The following TTC27 variants were observed in gnomAD, a reference collection of about 807,000 sequenced individuals.
The protein encoded by TTC27 is tetratricopeptide repeat domain 27.
TTC27 carries 79 observed loss-of-function variants against 115.9 expected under a neutral mutation model. The observed-to-expected ratio is 0.68, with a 90% CI of 0.57 to 0.82. TTC27 has a LOEUF of 0.82. TTC27 is among the 40% of genes least tolerant of loss of function. The probability of loss-of-function intolerance (pLI) is 0.00; values close to 1 mark genes in which losing one functional copy is unlikely to be tolerated. For missense variants in TTC27, 1,054 were observed against 993.1 expected (o/e 1.06, Z -0.82); for synonymous variants, 401 against 356.0 (o/e 1.13, Z -1.42).
chr2:32,700,215 A>G (rs1667137202), intron 9 of TTC27, among the ~76,000 whole-genome samples: 1 of 152,126 alleles, frequency 6.6e-6, no homozygotes, highest in Admixed American at 6.5e-5. Flanking sequence ...ACTTATTCTT[A>G]CTTACTTAAT....
At chr2:32,799,181 A>T (rs1670836926) in intron 16 of TTC27, among the ~76,000 whole-genome samples, 1 of 152,216 alleles carries the variant, frequency 6.6e-6, no homozygotes. Flanking sequence ...TACTTAGAGT[A>T]GTCAAAATCA....
At chr2:32,726,817 G>C (rs1215683541) in intron 10 of TTC27, among the ~76,000 whole-genome samples, 2 of 152,114 alleles carry the variant, frequency 1.3e-5, no homozygotes, top group Non-Finnish European at 2.9e-5. Context: ...AGGAAAACGG[G>C]GTTTAATGGA....
At position 32,788,435 on chromosome 2, in the gene TTC27, G is replaced by A. The variant is rs537207482; in HGVS notation, c.1998+1286G>A. 7.2e-5 allele frequency among the ~76,000 whole-genome samples: 11 copies of A among 152,218 alleles called. No individual in the cohort carries two copies. In the South Asian group the frequency reaches 2.3e-3, roughly 32 times the overall value. On this transcript the variant is annotated intron_variant, in intron 16 of 19. Transcript: ENST00000317907. Reference sequence around the variant, plus strand: ...CCCTCCTTCCTGATAAGCTAGACAGGGGACTTCTTCAAGCTGTCAGTCTGC... The same window carrying A: ...CCCTCCTTCCTGATAAGCTAGACAGAGGACTTCTTCAAGCTGTCAGTCTGC...
intron 9 of TTC27, among the ~76,000 whole-genome samples, chr2:32,686,607 C>T (rs60609676): frequency 0.18 from 27,283 of 151,662 alleles, 2,859 homozygotes; most frequent in South Asian, 0.35. Context: ...GTGATCCGCC[C>T]GCCTCAGCCT....
At chr2:32,760,920 C>T (rs551908548) in intron 13 of TTC27, among the ~76,000 whole-genome samples, 37 of 152,304 alleles carry the variant, frequency 2.4e-4, no homozygotes, top group Non-Finnish European at 4.4e-4. Context: ...CTAGGGGTGC[C>T]TTAAAGGCTT....
At chr2:32,794,566 GAAGAA>G (rs1198362669) in intron 16 of TTC27, among the ~76,000 whole-genome samples, 1 of 151,300 alleles carries the variant, frequency 6.6e-6, no homozygotes, top group Non-Finnish European at 1.5e-5. Flanking sequence ...CTAGCAGAAG[GAAGAA>G]AATAAGAATA....
At chr2:32,708,108 G>T (rs566695126) in intron 10 of TTC27, among the ~76,000 whole-genome samples, 5 of 152,060 alleles carry the variant, frequency 3.3e-5, no homozygotes, top group African/African-American at 4.8e-5. Flanking sequence ...ATACAGGTTC[G>T]CTTATATATG....
chr2:32,694,021 C>A (rs755575610), intron 9 of TTC27, among the ~76,000 whole-genome samples: 1 of 152,126 alleles, frequency 6.6e-6, no homozygotes, highest in Non-Finnish European at 1.5e-5. Context: ...TTAGAACCAC[C>A]GTTGTAGAGG....
chr2:32,650,041 A>T lies in TTC27; in HGVS notation c.538-90A>T, dbSNP rs571159909. The T allele has an allele frequency of 2.5e-4, 265 of 1,046,886 alleles. 2 individuals carry two copies. The highest frequency in any genetic ancestry group is 1.5e-3 in the Middle Eastern group (7 of 4,754). 64.8% of individuals were successfully genotyped at this position (1,046,886 alleles called of 1,614,324 possible). A position where few individuals can be genotyped will look rare whatever the true frequency, so the allele number is the denominator to read the frequency against. The stretch of plus-strand genomic sequence containing the variant: ...ATTGAGGAATAAATTTAATTTTATG[A>T]ATGTAAAAAAATTCTAAAAATCTCA... On this transcript the variant is annotated intron_variant, in intron 4 of 19. Coordinates refer to ENST00000317907, the MANE Select transcript of TTC27 (RefSeq NM_017735.5).
intron 19 of TTC27, 29 bp from the exon 20 acceptor site, chr2:32,820,787 A>G (rs1378347195): frequency 1.3e-6 from 2 of 1,504,960 alleles, no homozygotes; most frequent in Non-Finnish European, 8.9e-7. Context: ...TGTTGTTTTA[A>G]TACTTCTGCT....
At chr2:32,717,023 T>G (rs1405148595) in intron 10 of TTC27, among the ~76,000 whole-genome samples, 1 of 100,826 alleles carries the variant, frequency 9.9e-6, no homozygotes, top group Non-Finnish European at 2.1e-5. Flanking sequence ...TTTTTTTTTT[T>G]GAGACAGTCT....
intron 3 of TTC27, among the ~76,000 whole-genome samples, chr2:32,638,235 G>A (rs751321904): frequency 6.6e-6 from 1 of 151,760 alleles, no homozygotes; most frequent in African/African-American, 2.4e-5. Context: ...ATAATTCCTT[G>A]TATGCTTAGC....
At chr2:32,810,864 T>C (rs1671294085) in intron 16 of TTC27, among the ~76,000 whole-genome samples, 160 bp from the exon 17 acceptor site, 2 of 152,186 alleles carry the variant, frequency 1.3e-5, no homozygotes, top group African/African-American at 4.8e-5. Context: ...TGCTTTAGGA[T>C]TGAATTTTAT....
At chr2:32,746,785 G>A (rs1668847867) in intron 12 of TTC27, among the ~76,000 whole-genome samples, 1 of 152,050 alleles carries the variant, frequency 6.6e-6, no homozygotes, top group Admixed American at 6.6e-5. Flanking sequence ...AAATTGAGTG[G>A]ATAAGTGGAG....
At chr2:32,683,881 TG>T (rs1666530838) in intron 9 of TTC27, among the ~76,000 whole-genome samples, 1 of 152,004 alleles carries the variant, frequency 6.6e-6, no homozygotes, top group Non-Finnish European at 1.5e-5. Flanking sequence ...TTAGGCTGGG[TG>T]GGGTAGCTCA....
intron 16 of TTC27, among the ~76,000 whole-genome samples, chr2:32,800,763 G>A (rs1670901135): frequency 6.6e-6 from 1 of 152,148 alleles, no homozygotes; most frequent in Middle Eastern, 3.2e-3. Context: ...GCCTCCCAAA[G>A]TGCTGGGATT....
chr2:32,763,422 A>T (rs780517470), intron 13 of TTC27, among the ~76,000 whole-genome samples: 2 of 152,226 alleles, frequency 1.3e-5, no homozygotes, highest in Non-Finnish European at 2.9e-5. Flanking sequence ...AGGTTAAATA[A>T]CAAAATTTAG....
chr2:32,638,301 C>G (rs1229202271), intron 3 of TTC27, among the ~76,000 whole-genome samples: 2 of 152,068 alleles, frequency 1.3e-5, no homozygotes, highest in Non-Finnish European at 1.5e-5. Context: ...ATCTTTATTC[C>G]TCTATTACAC....
chr2:32,658,959 G>A (rs1408407810), intron 5 of TTC27, among the ~76,000 whole-genome samples: 1 of 151,986 alleles, frequency 6.6e-6, no homozygotes, highest in Non-Finnish European at 1.5e-5. Context: ...ATGTATATCT[G>A]TTTCCCCTTT....
Sources: allele counts gnomAD v4.1 joint callset (sites outside exome capture counted in the v4.1 genomes callset), GRCh38; gene constraint gnomAD v4.1.1; transcripts MANE v1.5; gene names NCBI Gene and HGNC (gene_info 2026-07-23, HGNC 2026-07-21).